The following LRRTM3 variants were observed in gnomAD, a reference collection of about 807,000 sequenced individuals.
LRRTM3 encodes the protein leucine rich repeat transmembrane neuronal 3.
A neutral mutation model predicts 44.7 loss-of-function variants in LRRTM3; 24 were observed. That is an observed-to-expected ratio of 0.54 (90% CI 0.39 to 0.76). LRRTM3 has a LOEUF of 0.76. LRRTM3 is among the 30% of genes least tolerant of loss of function. The probability of loss-of-function intolerance (pLI) is 0.00; values close to 1 mark genes in which losing one functional copy is unlikely to be tolerated. For synonymous variants in LRRTM3, 277 were observed against 278.7 expected, an observed-to-expected ratio of 0.99 and a Z score of 0.06; for missense variants, 587 against 702.2, an observed-to-expected ratio of 0.84 and a Z score of 1.85.
intron 2 of LRRTM3, 53 bp from the exon 3 acceptor site, chr10:67,097,534 C>A: frequency 6.6e-7 from 1 of 1,515,448 alleles, no homozygotes; most frequent in South Asian, 1.1e-5. Flanking sequence ...AATCTTTCCC[C>A]TAAAGTTGTC....
intron 2 of LRRTM3, among the ~76,000 whole-genome samples, chr10:67,014,675 C>G (rs57480168): frequency 0.016 from 2,461 of 151,940 alleles, 84 homozygotes; most frequent in African/African-American, 0.055. Context: ...AATGACTATT[C>G]TTTCATTGAG....
At chr10:67,004,152 A>G (rs755319989) in intron 2 of LRRTM3, among the ~76,000 whole-genome samples, 64 of 152,104 alleles carry the variant, frequency 4.2e-4, no homozygotes, top group Non-Finnish European at 8.1e-4. Flanking sequence ...TCAGCCATGT[A>G]TTTGAGTAGT....
chr10:67,084,654 C>T (rs1324171369), intron 2 of LRRTM3, among the ~76,000 whole-genome samples: 3 of 151,744 alleles, frequency 2.0e-5, no homozygotes, highest in African/African-American at 7.3e-5. Context: ...GTAACAGATA[C>T]TTTGATAACT....
chr10:67,034,672 C>T (rs1217004550), intron 2 of LRRTM3, among the ~76,000 whole-genome samples: 1 of 152,188 alleles, frequency 6.6e-6, no homozygotes, highest in East Asian at 1.9e-4. Flanking sequence ...TAATCTTTCT[C>T]AAACGAACTT....
chr10:66,933,831 G>A lies in LRRTM3; in HGVS notation c.1536+5379G>A, dbSNP rs541092866. On this transcript the variant is annotated intron_variant, in intron 2 of 2. Coordinates refer to ENST00000361320, the MANE Select transcript of LRRTM3 (RefSeq NM_178011.5). ...AAGGCTTCCTCCGCTGGATGTAGCT[G>A]CTCTTACCAATATGAAGTAGCAGGT... is the stretch of plus-strand genomic sequence containing the variant. Among the ~76,000 whole-genome samples, 3 of 152,256 alleles carry A rather than the reference G, an allele frequency of 2.0e-5. No individual in the cohort carries two copies. The South Asian group carries it at 6.2e-4, about 32-fold the overall frequency.
intron 2 of LRRTM3, among the ~76,000 whole-genome samples, chr10:67,011,882 T>C (rs1238412719): frequency 6.6e-6 from 1 of 152,108 alleles, no homozygotes; most frequent in Non-Finnish European, 1.5e-5. Flanking sequence ...TCCCAGATCA[T>C]CAGGCCCCAG....
intron 2 of LRRTM3, among the ~76,000 whole-genome samples, chr10:66,934,970 TCAGA>T (rs1345941987): frequency 2.0e-5 from 3 of 152,116 alleles, no homozygotes; most frequent in Non-Finnish European, 4.4e-5. Flanking sequence ...GAAAATGTCA[TCAGA>T]CAGTGAAGCT....
Position 66,940,064 on chromosome 10 carries a change from G to GT in LRRTM3, c.1536+11616dup, listed in dbSNP as rs1418907292. ...GAGGAACAGTAAAATAAGTAGTTAG[G>GT]TTTTGTGTTTGTTTTTGCTTTCAGT... On this transcript the variant is annotated intron_variant, in intron 2 of 2. Coordinates refer to ENST00000361320, the MANE Select transcript of LRRTM3 (RefSeq NM_178011.5). Among the ~76,000 whole-genome samples the GT allele has an allele frequency of 1.6e-4, 24 of 152,098 alleles. 1 individual carries two copies. The highest frequency in any genetic ancestry group is 5.9e-4 in the Admixed American group (9 of 15,276).
chr10:66,980,270 T>C (rs1850338202), intron 2 of LRRTM3, among the ~76,000 whole-genome samples: 1 of 152,148 alleles, frequency 6.6e-6, no homozygotes, highest in African/African-American at 2.4e-5. Context: ...CCTTGTCTCT[T>C]CTCCTAAGCC....
chr10:66,956,924 T>C (rs750355234), intron 2 of LRRTM3, among the ~76,000 whole-genome samples: 1 of 152,158 alleles, frequency 6.6e-6, no homozygotes, highest in African/African-American at 2.4e-5. Context: ...AATTATGTAG[T>C]AAGTGCACAG....
chr10:66,942,167 T>C (rs148757344), intron 2 of LRRTM3, among the ~76,000 whole-genome samples: 202 of 152,276 alleles, frequency 1.3e-3, no homozygotes, highest in African/African-American at 4.6e-3. Flanking sequence ...AAGTTAGTTT[T>C]CTCCTGTCGT....
chr10:66,971,892 A>G (rs932966792), intron 2 of LRRTM3, among the ~76,000 whole-genome samples: 1 of 151,990 alleles, frequency 6.6e-6, no homozygotes, highest in Non-Finnish European at 1.5e-5. Flanking sequence ...ACAAGGTCAG[A>G]GCATATTCTT....
chr10:67,016,728 T>C (rs755375081), intron 2 of LRRTM3, among the ~76,000 whole-genome samples: 3 of 152,224 alleles, frequency 2.0e-5, no homozygotes, highest in Non-Finnish European at 4.4e-5. Context: ...CAATATTTAA[T>C]ATATGGACTT....
intron 2 of LRRTM3, among the ~76,000 whole-genome samples, chr10:66,989,748 A>G (rs911072850): frequency 2.0e-5 from 3 of 152,130 alleles, no homozygotes; most frequent in African/African-American, 7.2e-5. Flanking sequence ...TTCCTCAGAA[A>G]ATTCATTTTC....
At chr10:67,059,886 T>C (rs953729537) in intron 2 of LRRTM3, among the ~76,000 whole-genome samples, 3 of 152,200 alleles carry the variant, frequency 2.0e-5, no homozygotes, top group Non-Finnish European at 2.9e-5. Context: ...TGAAGATATG[T>C]AAATATTTTA....
chr10:67,046,666 A>G (rs1436898067), intron 2 of LRRTM3, among the ~76,000 whole-genome samples: 1 of 152,240 alleles, frequency 6.6e-6, no homozygotes, highest in African/African-American at 2.4e-5. Context: ...GAAGCATGGT[A>G]CTAGGGATAC....
chr10:66,978,363 T>C lies in LRRTM3; in HGVS notation c.1536+49911T>C, dbSNP rs185718276. Among the ~76,000 whole-genome samples, 835 of 150,960 alleles carry C rather than the reference T, an allele frequency of 5.5e-3. 10 individuals are homozygous for C. The highest frequency in any genetic ancestry group is 0.019 in the African/African-American group (790 of 41,134). On this transcript the variant is annotated intron_variant, in intron 2 of 2. Transcript: ENST00000361320. ...CAACATGGCAAAACCCTGTCTCTAC[T>C]AAAAATACAAAAAACTAGCTGGGCG...
At chr10:66,994,018 T>C (rs575032354) in intron 2 of LRRTM3, among the ~76,000 whole-genome samples, 1 of 152,276 alleles carries the variant, frequency 6.6e-6, no homozygotes, top group Non-Finnish European at 1.5e-5. Context: ...ACAGACTGAA[T>C]AAAAACTGAA....
chr10:67,059,314 TAG>T (rs530871348), intron 2 of LRRTM3, among the ~76,000 whole-genome samples: 17 of 152,294 alleles, frequency 1.1e-4, no homozygotes, highest in Non-Finnish European at 2.1e-4. Context: ...TCAAAAATGG[TAG>T]AGACTTCTAT....
Sources: gnomAD v4.1 joint callset for allele counts (sites outside exome capture counted in the v4.1 genomes callset) on GRCh38, gnomAD v4.1.1 for gene constraint, MANE v1.5 for transcripts, NCBI Gene and HGNC (gene_info 2026-07-23, HGNC 2026-07-21) for gene names.